The following EYS variants were observed in gnomAD, a reference collection of about 807,000 sequenced individuals.
The protein encoded by EYS is EGF-like photoreceptor maintenance factor.
In EYS, 250 loss-of-function variants were observed where a neutral mutation model predicts 282.1. The ratio of observed to expected loss-of-function variants is 0.89; its 90% CI spans 0.80 to 0.98. The LOEUF (loss-of-function observed/expected upper bound fraction) is 0.98. EYS is among the 50% of genes least tolerant of loss of function. The pLI, the probability that EYS is intolerant of heterozygous loss-of-function variation, is 0.00. For synonymous variants in EYS, 1,355 were observed against 1,282.9 expected, an observed-to-expected ratio of 1.06 and a Z score of -1.20; for missense variants, 4,016 against 3,709.0, an observed-to-expected ratio of 1.08 and a Z score of -2.15.
chr6:63,806,679 A>G (rs1287778851), intron 36 of EYS, among the ~76,000 whole-genome samples: 1 of 152,202 alleles, frequency 6.6e-6, no homozygotes, highest in African/African-American at 2.4e-5. Flanking sequence ...AATAGAAAAG[A>G]TTACTGGCAG....
intron 10 of EYS, among the ~76,000 whole-genome samples, chr6:65,339,291 G>T (rs1211073322): frequency 6.6e-6 from 1 of 151,094 alleles, no homozygotes; most frequent in East Asian, 2.0e-4. Context: ...GAATGCAGGA[G>T]AAATTTTAAT....
intron 5 of EYS, among the ~76,000 whole-genome samples, chr6:65,464,251 A>G (rs747719621): frequency 4.6e-5 from 7 of 152,158 alleles, no homozygotes; most frequent in Non-Finnish European, 8.8e-5. Context: ...TGAAGCAAAG[A>G]AGACTTTTTG....
chr6:64,736,020 C>A (rs1208597767), intron 22 of EYS, among the ~76,000 whole-genome samples: 1 of 151,940 alleles, frequency 6.6e-6, no homozygotes, highest in East Asian at 1.9e-4. Flanking sequence ...CTAATATATG[C>A]AATTGGTTGT....
chr6:65,369,477 C>T (rs780649834), intron 8 of EYS, among the ~76,000 whole-genome samples: 1 of 150,894 alleles, frequency 6.6e-6, no homozygotes, highest in Non-Finnish European at 1.5e-5. Flanking sequence ...AAAGATTTCC[C>T]AATCTGGAAT....
chr6:64,593,099 T>G lies in EYS; in HGVS notation c.3877+18A>C, dbSNP rs1582932230. The G allele has an allele frequency of 8.9e-7, 1 of 1,122,052 alleles. No homozygotes were observed. Among genetic ancestry groups the G allele is most frequent in the Admixed American group, 3.8e-5 (1 of 26,598 alleles). The allele number at this position is 1,122,052 out of a possible 1,614,324, so 69.5% of individuals were successfully genotyped here. A position where few individuals can be genotyped will look rare whatever the true frequency, so the allele number is the denominator to read the frequency against. ...TTTCAAACTCAAACTTCTTAATATC[T>G]TACCCACTTCTACTTACCTTGATCA... On this transcript the variant is annotated intron_variant, in intron 25 of 42. Transcript: ENST00000503581.
At chr6:63,882,507 G>A (rs1026385285) in intron 35 of EYS, among the ~76,000 whole-genome samples, 2 of 152,098 alleles carry the variant, frequency 1.3e-5, no homozygotes, top group African/African-American at 2.4e-5. Flanking sequence ...CCCACTCAAC[G>A]TTTACTGAAC....
intron 7 of EYS, among the ~76,000 whole-genome samples, chr6:65,390,962 G>C (rs758538678): frequency 6.6e-6 from 1 of 152,056 alleles, no homozygotes; most frequent in African/African-American, 2.4e-5. Context: ...GAGATACAGA[G>C]GGCACAGTGG....
At chr6:65,270,121 T>C (rs1767859186) in intron 12 of EYS, among the ~76,000 whole-genome samples, 1 of 152,152 alleles carries the variant, frequency 6.6e-6, no homozygotes, top group Non-Finnish European at 1.5e-5. Context: ...AGCTGTGAAT[T>C]TTTGAAACCA....
At chr6:64,693,337 A>G (rs1770466562) in intron 22 of EYS, among the ~76,000 whole-genome samples, 1 of 152,040 alleles carries the variant, frequency 6.6e-6, no homozygotes, top group South Asian at 2.1e-4. Context: ...AAAAATCGAA[A>G]TATTTCTAAA....
intron 26 of EYS, among the ~76,000 whole-genome samples, chr6:64,587,771 A>C (rs1299211922): frequency 1.3e-5 from 2 of 152,046 alleles, no homozygotes; most frequent in African/African-American, 4.8e-5. Context: ...TGTGTAAAAC[A>C]ATTTTAAAAG....
chr6:64,512,321 G>A (rs139403175), intron 26 of EYS, among the ~76,000 whole-genome samples: 69 of 152,164 alleles, frequency 4.5e-4, no homozygotes, highest in African/African-American at 1.6e-3. Flanking sequence ...AAAGAGACAG[G>A]AGGAGATGTG....
intron 12 of EYS, among the ~76,000 whole-genome samples, chr6:65,144,302 A>G (rs1764420535): frequency 6.6e-6 from 1 of 152,126 alleles, no homozygotes; most frequent in Non-Finnish European, 1.5e-5. Context: ...ATGCTACGTA[A>G]TTTCTTAGTC....
At chr6:64,016,489 A>AT (rs11358904) in intron 33 of EYS, among the ~76,000 whole-genome samples, 2,579 of 138,364 alleles carry the variant, frequency 0.019, 27 homozygotes, top group Non-Finnish European at 0.026. Context: ...TACCTTTTTG[A>AT]TTTTTTTTTT....
intron 11 of EYS, among the ~76,000 whole-genome samples, chr6:65,326,846 C>T (rs150610816): frequency 0.01 from 1,524 of 151,422 alleles, 29 homozygotes; most frequent in African/African-American, 0.034. Flanking sequence ...ATTTTCTAAA[C>T]GACATTTATT....
chr6:64,619,928 G>A (rs894206373), intron 23 of EYS, among the ~76,000 whole-genome samples: 1 of 152,124 alleles, frequency 6.6e-6, no homozygotes, highest in East Asian at 1.9e-4. Flanking sequence ...AATGCTCTAC[G>A]AAAAGGGAGA....
intron 36 of EYS, among the ~76,000 whole-genome samples, chr6:63,831,374 CT>C (rs1771632591): frequency 6.6e-6 from 1 of 152,082 alleles, no homozygotes; most frequent in Non-Finnish European, 1.5e-5. Context: ...GAAGGAAGAT[CT>C]ACCAAGCAAA....
chr6:64,819,400 T>A (rs1320910676), intron 21 of EYS, among the ~76,000 whole-genome samples: 1 of 151,984 alleles, frequency 6.6e-6, no homozygotes, highest in Non-Finnish European at 1.5e-5. Flanking sequence ...ATAGTACTGG[T>A]GCAAATGAAA....
intron 12 of EYS, among the ~76,000 whole-genome samples, chr6:65,080,721 A>T (rs1002787999): frequency 2.6e-5 from 4 of 151,534 alleles, no homozygotes; most frequent in Non-Finnish European, 4.4e-5. Context: ...TTGTTAATTT[A>T]AAAAAAAAGA....
At chr6:64,862,078 T>C (rs1250859336) in intron 19 of EYS, among the ~76,000 whole-genome samples, 1 of 152,252 alleles carries the variant, frequency 6.6e-6, no homozygotes, top group Non-Finnish European at 1.5e-5. Flanking sequence ...CAGTGACTTC[T>C]AGGCTGGTGA....
Sources: gnomAD v4.1 joint callset for allele counts (sites outside exome capture counted in the v4.1 genomes callset) on GRCh38, gnomAD v4.1.1 for gene constraint, MANE v1.5 for transcripts, NCBI Gene and HGNC (gene_info 2026-07-23, HGNC 2026-07-21) for gene names.